The following ALDH7A1 variants were observed in gnomAD, a reference collection of about 807,000 sequenced individuals.
The protein encoded by ALDH7A1 is alpha-aminoadipic semialdehyde dehydrogenase.
ALDH7A1 carries 63 observed loss-of-function variants against 79.9 expected under a neutral mutation model. The observed-to-expected ratio is 0.79, with a 90% CI of 0.64 to 0.97. The LOEUF is 0.97. Among genes scored for constraint, ALDH7A1 ranks in the 50% least tolerant of loss-of-function variants. ALDH7A1 has a pLI of 0.00. For synonymous variants in ALDH7A1, 240 were observed against 231.2 expected (o/e 1.04, Z -0.34); for missense variants, 627 against 665.2 (o/e 0.94, Z 0.63).
At chr5:126,577,719 ACCATGCCCAG>A (rs1751026403) in intron 5 of ALDH7A1, among the ~76,000 whole-genome samples, 2 of 152,120 alleles carry the variant, frequency 1.3e-5, no homozygotes, top group African/African-American at 4.8e-5. Context: ...GGCACGCACC[ACCATGCCCAG>A]CTAATTTTTT....
At chr5:126,559,363 C>A (rs376010987) in intron 10 of ALDH7A1, 29 bp from the exon 11 acceptor site, 44 of 1,527,428 alleles carry the variant, frequency 2.9e-5, no homozygotes, top group Admixed American at 1.5e-4. Context: ...CTTCCATCAG[C>A]GAACCAAAAC....
In ALDH7A1 at chr5:126,554,394, C is replaced by G. The variant is rs1750107810; in HGVS notation, c.1094-1G>C. The G allele has an allele frequency of 6.2e-7, 1 of 1,613,576 alleles. No homozygotes were observed. The highest frequency in any genetic ancestry group is 1.1e-5 in the South Asian group (1 of 91,082). ...TGGAGTGGCCCATAGAGAACATTAGCTGGAGAGAGAAAAGGAAGGCTGGCT... is the reference window on the plus strand; with the variant it reads ...TGGAGTGGCCCATAGAGAACATTAGGTGGAGAGAGAAAAGGAAGGCTGGCT... On this transcript the variant is annotated splice_acceptor_variant, in intron 12 of 17. Coordinates refer to ENST00000409134, the MANE Select transcript of ALDH7A1 (RefSeq NM_001182.5). LOFTEE classifies it high-confidence loss of function.
Position 126,554,658 on chromosome 5 carries a change from C to T in ALDH7A1, c.1094-265G>A, listed in dbSNP as rs534182821. On this transcript the variant is annotated intron_variant, in intron 12 of 17. Coordinates refer to ENST00000409134, the MANE Select transcript of ALDH7A1 (RefSeq NM_001182.5). ...GACATGCAAATGAGTGGGTATGTGC[C>T]GAGAAACTTTTTTTTACAGAAACAG... The T allele has an allele frequency of 8.4e-5, 39 of 463,742 alleles. 1 individual carries two copies. Among genetic ancestry groups the T allele is most frequent in the Middle Eastern group, 6.4e-4 (1 of 1,574 alleles). 28.7% of individuals were successfully genotyped at this position (463,742 alleles called of 1,614,324 possible). A position where few individuals can be genotyped will look rare whatever the true frequency, so the allele number is the denominator to read the frequency against.
At chr5:126,592,599 T>C (rs1265248264) in intron 3 of ALDH7A1, 65 bp downstream of exon 3, 1 of 1,500,994 alleles carries the variant, frequency 6.7e-7, no homozygotes, top group Non-Finnish European at 9.3e-7. Context: ...GATGTTTATG[T>C]ATCTCATTGG....
intron 9 of ALDH7A1, among the ~76,000 whole-genome samples, chr5:126,565,748 T>C (rs1195001523): frequency 3.3e-5 from 5 of 152,232 alleles, no homozygotes; most frequent in African/African-American, 1.2e-4. Flanking sequence ...TTGATACATT[T>C]GGAGTTTGTC....
At chr5:126,576,164 G>A (rs566391126) in intron 6 of ALDH7A1, among the ~76,000 whole-genome samples, 15 of 151,640 alleles carry the variant, frequency 9.9e-5, no homozygotes, top group African/African-American at 3.4e-4. Context: ...TCGGGAGGCT[G>A]AGGCAGGAGA....
chr5:126,574,559 G>T (rs892319455), intron 7 of ALDH7A1, among the ~76,000 whole-genome samples: 1 of 151,424 alleles, frequency 6.6e-6, no homozygotes, highest in Non-Finnish European at 1.5e-5. Flanking sequence ...GCTGGGTGTG[G>T]TGGTGTGCAC....
chr5:126,555,998 G>A lies in ALDH7A1; in HGVS notation c.1026C>T (p.Ile342=). ...TAAGTCTGTTTACAACCTCATCATG[G>A]ATGCTTTCATGTATAAACTAAACGA... ...TARRLFIHES[I]HDEVVNRLKK... is the part of the protein sequence containing the mutation. Residue 342 remains isoleucine (I), a synonymous_variant, in exon 12 of 18, where the codon ATC becomes ATT. Transcript: ENST00000409134. 6.2e-7 allele frequency: 1 copy of A among 1,613,036 alleles called. No homozygotes were observed. The highest frequency in any genetic ancestry group is 8.5e-7 in the Non-Finnish European group (1 of 1,179,308).
intron 9 of ALDH7A1, among the ~76,000 whole-genome samples, chr5:126,565,365 C>T (rs1750541877): frequency 7.2e-6 from 1 of 138,660 alleles, no homozygotes; most frequent in African/African-American, 2.8e-5. Flanking sequence ...TGCACTCCAG[C>T]CTGGGCAACA....
chr5:126,562,824 G>A (rs544005663), intron 9 of ALDH7A1, among the ~76,000 whole-genome samples: 8 of 152,282 alleles, frequency 5.3e-5, no homozygotes, highest in African/African-American at 1.9e-4. Flanking sequence ...CTCCAGTCTG[G>A]CAACAGAGCG....
At chr5:126,584,819 G>A (rs550665958) in intron 3 of ALDH7A1, among the ~76,000 whole-genome samples, 65 of 152,042 alleles carry the variant, frequency 4.3e-4, no homozygotes, top group African/African-American at 1.4e-3. Context: ...TAAATAGGTA[G>A]GTAGATGAAG....
chr5:126,545,866 A>G (rs1191719108), intron 17 of ALDH7A1, among the ~76,000 whole-genome samples: 2 of 151,212 alleles, frequency 1.3e-5, no homozygotes, highest in South Asian at 2.1e-4. Flanking sequence ...TAATCCCAGG[A>G]CTTTGAGAGG....
chr5:126,554,453 T>C lies in ALDH7A1; in HGVS notation c.1094-60A>G, dbSNP rs1750110696. 6 of 1,331,446 alleles carry C rather than the reference T, an allele frequency of 4.5e-6. No individual in the cohort carries two copies. In the Admixed American group the frequency reaches 8.4e-5, roughly 19 times the overall value. 82.5% of individuals were successfully genotyped at this position (1,331,446 alleles called of 1,614,324 possible). On this transcript the variant is annotated intron_variant, in intron 12 of 17. Transcript: ENST00000409134. ...TGCCCTTTATGGCATCGTTTTATTA[T>C]TAGAACAGCTTTCTCAATGAACAGA...
At chr5:126,594,777 T>C (rs1343090080) in intron 1 of ALDH7A1, among the ~76,000 whole-genome samples, 1 of 151,994 alleles carries the variant, frequency 6.6e-6, no homozygotes, top group Non-Finnish European at 1.5e-5. Flanking sequence ...CGCGGGAAGT[T>C]TAGCCCCTAC....
At chr5:126,586,710 A>T (rs918486345) in intron 3 of ALDH7A1, 1 of 152,290 alleles carries the variant, frequency 6.6e-6, no homozygotes, top group African/African-American at 2.4e-5. Flanking sequence ...TGTTGTGAAG[A>T]GGTAGGCAAA....
Position 126,577,201 on chromosome 5 carries a change from A to G in ALDH7A1, c.528T>C (p.His176=), listed in dbSNP as rs757135576. 3.9e-5 allele frequency: 63 copies of G among 1,614,052 alleles called. No homozygotes were observed. The African/African-American group carries it at 4.9e-4, about 13-fold the overall frequency. ...GPILPSERSG[H]ALIEQWNPVG... ...CGGGATTCCACTGCTCAATCAGTGC[A>G]TGGCCAGATCCTGAGGACAGAAAAA... Residue 176 remains histidine, a synonymous_variant, in exon 6 of 18, where the codon CAT becomes CAC. Transcript: ENST00000409134.
intron 11 of ALDH7A1, among the ~76,000 whole-genome samples, chr5:126,557,795 TAAA>T (rs1338964583): frequency 2.0e-5 from 3 of 151,946 alleles, no homozygotes; most frequent in Non-Finnish European, 2.9e-5. Flanking sequence ...TCAACAATAA[TAAA>T]AAAGGCTCAA....
chr5:126,569,614 C>T (rs1750711375), intron 8 of ALDH7A1: 1 of 152,204 alleles, frequency 6.6e-6, no homozygotes, highest in Admixed American at 6.5e-5. Context: ...TAACATGCTC[C>T]TGTATATACT....
intron 5 of ALDH7A1, 147 bp from the exon 6 acceptor site, chr5:126,577,358 T>A: frequency 2.0e-6 from 2 of 1,001,638 alleles, no homozygotes; most frequent in Non-Finnish European, 3.1e-6. Flanking sequence ...ATCAGTACAT[T>A]AACTAATGTA....
Sources: allele counts gnomAD v4.1 joint callset (sites outside exome capture counted in the v4.1 genomes callset), GRCh38; gene constraint gnomAD v4.1.1; transcripts MANE v1.5; gene names NCBI Gene and HGNC (gene_info 2026-07-23, HGNC 2026-07-21).